Variants in ABCA13 observed in about 807,000 individuals in gnomAD.
ABCA13 encodes the protein ATP-binding cassette sub-family A member 13.
A neutral mutation model predicts 478.7 loss-of-function variants in ABCA13; 476 were observed. The observed-to-expected ratio is 0.99, with a 90% confidence interval of 0.92 to 1.07. ABCA13 has a LOEUF of 1.07. Ranked by LOEUF, ABCA13 falls within the 50% of genes least tolerant of loss-of-function variation. The probability of loss-of-function intolerance (pLI) is 0.00; values close to 1 mark genes in which losing one functional copy is unlikely to be tolerated. For synonymous variants in ABCA13, 2,252 were observed against 2,158.9 expected (o/e 1.04, Z -1.20); for missense variants, 6,060 against 5,910.6 (o/e 1.03, Z -0.83).
Position 48,306,872 on chromosome 7 carries a change from G to A in ABCA13, c.9322-3075G>A, listed in dbSNP as rs147657597. 8.9e-4 allele frequency among the ~76,000 whole-genome samples: 135 copies of A among 152,338 alleles called. 2 individuals are homozygous for A. Among genetic ancestry groups the A allele is most frequent in the African/African-American group, 3.1e-3 (130 of 41,586 alleles). ...GGGTATTTTTTAGATGACATTAACA[G>A]TTAAATCAGTAGACTTTGAGTAAAG... On this transcript the variant is annotated intron_variant, in intron 23 of 61. Coordinates refer to ENST00000435803, the MANE Select transcript of ABCA13 (RefSeq NM_152701.5).
Position 48,455,132 on chromosome 7 carries a change from C to G in ABCA13, c.12661C>G (p.Arg4221Gly), listed in dbSNP as rs1249429672. Residue 4221 changes from arginine to glycine, a missense_variant, in exon 43 of 62, where the codon CGC becomes GGC. Around this residue, in one of 3 missense-constraint regions of ABCA13, gnomAD observed 1,627 missense variants for 1,571.0 expected, o/e 1.04. Transcript: ENST00000435803. ...GGCCCGGAGGCTCCGCCGCACGCTG[C>G]GCGCCGGGAAGAGCACCCTCGCCGA... is the stretch of plus-strand genomic sequence containing the variant. ...ILARRLRRTL[R>G]AGKSTLADLL... 6.4e-7 allele frequency: 1 copy of G among 1,567,980 alleles called. No individual in the cohort carries two copies. Among genetic ancestry groups the G allele is most frequent in the South Asian group, 1.2e-5 (1 of 85,400 alleles).
intron 58 of ABCA13, among the ~76,000 whole-genome samples, chr7:48,602,438 A>G (rs987011319): frequency 1.1e-4 from 17 of 152,178 alleles, no homozygotes; most frequent in Admixed American, 5.9e-4. Context: ...AGCTTTCTGC[A>G]TATAGCTACC....
At chr7:48,403,100 C>T (rs1310248888) in intron 38 of ABCA13, among the ~76,000 whole-genome samples, 1 of 152,220 alleles carries the variant, frequency 6.6e-6, no homozygotes, top group Non-Finnish European at 1.5e-5. Context: ...ATCTGGAACT[C>T]CTAAGACTGA....
intron 27 of ABCA13, among the ~76,000 whole-genome samples, chr7:48,321,289 G>T (rs912976800): frequency 6.6e-6 from 1 of 152,328 alleles, no homozygotes; most frequent in Admixed American, 6.5e-5. Context: ...TGTTAGTGGT[G>T]CTGAGGTTGA....
chr7:48,381,569 C>T (rs1045547890), intron 35 of ABCA13, among the ~76,000 whole-genome samples: 1 of 152,120 alleles, frequency 6.6e-6, no homozygotes, highest in Non-Finnish European at 1.5e-5. Flanking sequence ...AACTGCAGGT[C>T]TCCACGCTCG....
chr7:48,518,413 C>T (rs2130958566), intron 52 of ABCA13, among the ~76,000 whole-genome samples: 1 of 152,242 alleles, frequency 6.6e-6, no homozygotes, highest in African/African-American at 2.4e-5. Flanking sequence ...GAAGAATTGT[C>T]CATATCCAAA....
rs533213049 is a variant in ABCA13, at chr7:48,508,127, G to C, written c.13524+78G>C. Reference sequence around the variant, plus strand: ...TGCGTGTATGGAGGGATGGAGGGGGGCATTGGGGCCCTGGCTGCCTTGGAG... The same window carrying C: ...TGCGTGTATGGAGGGATGGAGGGGGCCATTGGGGCCCTGGCTGCCTTGGAG... On this transcript the variant is annotated intron_variant, in intron 50 of 61. Transcript: ENST00000435803. 4.4e-6 allele frequency: 7 copies of C among 1,582,632 alleles called. No individual in the cohort carries two copies. In the East Asian group the frequency reaches 1.6e-4, roughly 36 times the overall value.
chr7:48,344,953 A>G (rs1159291044), intron 29 of ABCA13, among the ~76,000 whole-genome samples: 1 of 152,240 alleles, frequency 6.6e-6, no homozygotes, highest in East Asian at 1.9e-4. Flanking sequence ...CCAGTGTCCT[A>G]AGACCTAAGA....
chr7:48,612,739 G>A (rs1792149016), intron 58 of ABCA13, among the ~76,000 whole-genome samples: 1 of 152,084 alleles, frequency 6.6e-6, no homozygotes, highest in South Asian at 2.1e-4. Flanking sequence ...GTTTTCTAGG[G>A]TAAGTTCTTA....
chr7:48,473,283 G>T (rs534054377), intron 45 of ABCA13, among the ~76,000 whole-genome samples: 123 of 152,256 alleles, frequency 8.1e-4, no homozygotes, highest in African/African-American at 2.6e-3. Flanking sequence ...TATCTATAGT[G>T]TTGCAGCCAT....
intron 29 of ABCA13, among the ~76,000 whole-genome samples, chr7:48,342,473 G>C (rs1807389968): frequency 6.6e-6 from 1 of 152,026 alleles, no homozygotes; most frequent in South Asian, 2.1e-4. Context: ...TCCTTTGTTT[G>C]TATTTAAATT....
Position 48,350,732 on chromosome 7 carries a change from G to C in ABCA13, c.10294G>C (p.Ala3432Pro). 6.2e-7 allele frequency: 1 copy of C among 1,613,912 alleles called. No individual in the cohort carries two copies. Residue 3432 changes from alanine (A) to proline (P), a missense_variant, in exon 30 of 62, where the codon GCA (alanine) becomes CCA (proline). Ala to Pro is a conservative substitution (Grantham distance 27, BLOSUM62 -1). This residue lies in a region of ABCA13 where 4,423 missense variants were observed against 4,309.1 expected (regional missense o/e 1.03). Transcript: ENST00000435803. ...SILVNLSSCV[A>P]LNRFQALQSV... ...CTTGGTCAATCTCTCTTCCTGCGTG[G>C]CACTGAACCGTTTCCAGGCTCTGCA...
chr7:48,278,189 TAAA>T lies in ABCA13; in HGVS notation c.6996_6998del (p.Lys2333del). ...AGATTGATGAACATTTTTTCAAGTT[TAAA>T]GGAGACTATATATCACCTAATGAAA... On this transcript the variant is annotated inframe_deletion, in exon 18 of 62. Transcript: ENST00000435803. 1 of 1,582,656 alleles carries T rather than the reference TAAA, an allele frequency of 6.3e-7. No homozygotes were observed. The highest frequency in any genetic ancestry group is 1.8e-5 in the Admixed American group (1 of 55,540).
chr7:48,587,755 T>A (rs1789330419), intron 57 of ABCA13, among the ~76,000 whole-genome samples: 1 of 152,064 alleles, frequency 6.6e-6, no homozygotes. Context: ...GAGGGTAGAG[T>A]ATATGCAATG....
At chr7:48,633,792 G>A (rs2131647271) in intron 59 of ABCA13, among the ~76,000 whole-genome samples, 1 of 152,162 alleles carries the variant, frequency 6.6e-6, no homozygotes, top group East Asian at 1.9e-4. Context: ...GGGAGGTTGA[G>A]GCAGGAGAAT....
chr7:48,435,022 A>G (rs1225515423), intron 42 of ABCA13, among the ~76,000 whole-genome samples: 1 of 151,814 alleles, frequency 6.6e-6, no homozygotes, highest in African/African-American at 2.4e-5. Flanking sequence ...TTTAAGATTA[A>G]TATTTCTTTT....
At chr7:48,493,576 A>G (rs1443008509) in intron 48 of ABCA13, among the ~76,000 whole-genome samples, 1 of 152,112 alleles carries the variant, frequency 6.6e-6, no homozygotes, top group Non-Finnish European at 1.5e-5. Context: ...GTGGGTGGTG[A>G]TGATAGCAGT....
intron 57 of ABCA13, 30 bp from the exon 58 acceptor site, chr7:48,594,680 G>A: frequency 6.3e-7 from 1 of 1,591,070 alleles, no homozygotes; most frequent in Non-Finnish European, 8.6e-7. Flanking sequence ...TTTTTCAAAT[G>A]CTGATTACTC....
intron 28 of ABCA13, among the ~76,000 whole-genome samples, chr7:48,335,869 T>C (rs1806178578): frequency 6.6e-6 from 1 of 152,240 alleles, no homozygotes; most frequent in Non-Finnish European, 1.5e-5. Context: ...CTGCATATTC[T>C]GTATTGATAA....
Sources: allele counts gnomAD v4.1 joint callset (sites outside exome capture counted in the v4.1 genomes callset), GRCh38; gene constraint gnomAD v4.1.1; regional missense constraint gnomAD v4.1.1; transcripts MANE v1.5; gene names NCBI Gene and HGNC (gene_info 2026-07-23, HGNC 2026-07-21).